The following LRP1B variants were observed in gnomAD, a reference collection of about 807,000 sequenced individuals.
LRP1B encodes the protein LDL receptor related protein 1B.
Under a neutral mutation model 556.6 loss-of-function variants are expected in LRP1B, and 217 were observed. That is an observed-to-expected ratio of 0.39 (90% CI 0.35 to 0.44). The LOEUF (loss-of-function observed/expected upper bound fraction) is 0.44, where lower values mean the gene tolerates loss of function less well. Among genes scored for constraint, LRP1B ranks in the 20% least tolerant of loss-of-function variants. The pLI is 1.00. For synonymous variants in LRP1B, 2,047 were observed against 1,865.8 expected (o/e 1.10, Z -2.50); for missense variants, 5,053 against 5,620.8 (o/e 0.90, Z 3.23).
At chr2:141,069,900 C>A (rs574592504) in intron 7 of LRP1B, among the ~76,000 whole-genome samples, 1 of 151,558 alleles carries the variant, frequency 6.6e-6, no homozygotes, top group African/African-American at 2.4e-5. Context: ...TGTGCTGTAC[C>A]CATTAACTTG....
At chr2:141,405,369 C>A (rs1467673254) in intron 3 of LRP1B, among the ~76,000 whole-genome samples, 3 of 152,054 alleles carry the variant, frequency 2.0e-5, no homozygotes, top group African/African-American at 7.2e-5. Flanking sequence ...ATTAAGGAAG[C>A]TCCACAGTGT....
intron 3 of LRP1B, among the ~76,000 whole-genome samples, chr2:141,320,172 C>A (rs1437587711): frequency 9.9e-5 from 15 of 151,914 alleles, no homozygotes. Context: ...CTTTATTATC[C>A]AAAGAAGTAT....
At chr2:142,047,258 G>C (rs1014157000) in intron 1 of LRP1B, among the ~76,000 whole-genome samples, 2 of 151,924 alleles carry the variant, frequency 1.3e-5, no homozygotes, top group South Asian at 2.1e-4. Context: ...GTACATGGAG[G>C]CTTGACATTT....
At chr2:141,592,398 A>T (rs1209450955) in intron 2 of LRP1B, among the ~76,000 whole-genome samples, 1 of 152,168 alleles carries the variant, frequency 6.6e-6, no homozygotes, top group Non-Finnish European at 1.5e-5. Flanking sequence ...GTGTGTCTTC[A>T]CATGGTATAA....
intron 72 of LRP1B, 75 bp downstream of exon 72, chr2:140,364,586 C>T (rs2105150876): frequency 3.2e-6 from 5 of 1,545,704 alleles, no homozygotes; most frequent in Non-Finnish European, 4.4e-6. Context: ...GTTCACCTCC[C>T]CACTTCATTG....
At chr2:141,769,676 A>T (rs1694836672) in intron 2 of LRP1B, among the ~76,000 whole-genome samples, 1 of 152,198 alleles carries the variant, frequency 6.6e-6, no homozygotes, top group Non-Finnish European at 1.5e-5. Context: ...TTCTACACCG[A>T]ATCTTAGAAA....
At chr2:141,184,180 A>C (rs1681133254) in intron 7 of LRP1B, among the ~76,000 whole-genome samples, 2 of 152,054 alleles carry the variant, frequency 1.3e-5, no homozygotes, top group African/African-American at 4.8e-5. Context: ...TTTATTCTTT[A>C]CTCTTGTCTT....
At position 140,893,157 on chromosome 2, in the gene LRP1B, C is replaced by T. The variant is rs1693850182; in HGVS notation, c.3767-6822G>A. On this transcript the variant is annotated intron_variant, in intron 23 of 90. Coordinates refer to ENST00000389484, the MANE Select transcript of LRP1B (RefSeq NM_018557.3). ...ATCAACTCAACACTTCCTGCCTGAC[C>T]TTCAAAAGATAAAGAGAGGAAGAGA... is the stretch of plus-strand genomic sequence containing the variant. 2.0e-5 allele frequency among the ~76,000 whole-genome samples: 3 copies of T among 152,164 alleles called. No individual in the cohort carries two copies. In the South Asian group the frequency reaches 6.2e-4, roughly 32 times the overall value.
chr2:141,586,426 T>G (rs529243620), intron 2 of LRP1B, among the ~76,000 whole-genome samples: 1 of 152,222 alleles, frequency 6.6e-6, no homozygotes, highest in African/African-American at 2.4e-5. Context: ...CTCTATTAGA[T>G]TAGAGATAGC....
chr2:140,797,270 A>G (rs1690349792), intron 32 of LRP1B, among the ~76,000 whole-genome samples: 1 of 152,092 alleles, frequency 6.6e-6, no homozygotes, highest in Admixed American at 6.6e-5. Context: ...AAAGAAGGTA[A>G]GTTACCAATT....
chr2:140,514,112 G>A (rs543684449), intron 51 of LRP1B, among the ~76,000 whole-genome samples: 4 of 152,022 alleles, frequency 2.6e-5, no homozygotes, highest in Non-Finnish European at 4.4e-5. Context: ...GTATAGATAC[G>A]TGACACTAAT....
intron 17 of LRP1B, among the ~76,000 whole-genome samples, chr2:140,986,834 A>G (rs755445272): frequency 6.6e-6 from 1 of 152,194 alleles, no homozygotes; most frequent in Non-Finnish European, 1.5e-5. Context: ...CAAATTCACG[A>G]AGTAGAAATT....
intron 1 of LRP1B, among the ~76,000 whole-genome samples, chr2:141,973,892 A>G (rs1321168948): frequency 2.6e-5 from 4 of 151,984 alleles, no homozygotes; most frequent in African/African-American, 7.2e-5. Flanking sequence ...AACTATTTAC[A>G]TACCAGTGTT....
chr2:140,913,143 A>G (rs930337266), intron 21 of LRP1B, among the ~76,000 whole-genome samples: 1 of 151,884 alleles, frequency 6.6e-6, no homozygotes, highest in African/African-American at 2.4e-5. Context: ...TGTTTATACT[A>G]CTAACCTTTA....
At chr2:141,650,783 A>G (rs1689756589) in intron 2 of LRP1B, among the ~76,000 whole-genome samples, 1 of 150,284 alleles carries the variant, frequency 6.7e-6, no homozygotes, top group Non-Finnish European at 1.5e-5. Context: ...CAGGCTATAG[A>G]ATATAACCCT....
At chr2:140,817,350 G>GA (rs1302265135) in intron 31 of LRP1B, among the ~76,000 whole-genome samples, 1 of 151,576 alleles carries the variant, frequency 6.6e-6, no homozygotes, top group African/African-American at 2.4e-5. Flanking sequence ...TTTAAATTAA[G>GA]AAAAAAATAT....
At chr2:141,564,139 G>C (rs7602707) in intron 2 of LRP1B, among the ~76,000 whole-genome samples, 1 of 151,952 alleles carries the variant, frequency 6.6e-6, no homozygotes, top group Non-Finnish European at 1.5e-5. Context: ...TTTTGTTTGA[G>C]AAATGAAGGA....
intron 18 of LRP1B, among the ~76,000 whole-genome samples, chr2:140,966,827 A>G (rs1020453428): frequency 2.0e-5 from 3 of 152,068 alleles, no homozygotes; most frequent in African/African-American, 4.8e-5. Flanking sequence ...TGTTTTTGTC[A>G]GGTCTGTCAA....
intron 2 of LRP1B, among the ~76,000 whole-genome samples, chr2:141,742,545 C>CGCCTG (rs1486510098): frequency 3.3e-5 from 5 of 152,016 alleles, no homozygotes; most frequent in African/African-American, 1.2e-4. Flanking sequence ...TGAGCCACCA[C>CGCCTG]GCCTGGCCTC....
Sources: gnomAD v4.1 joint callset for allele counts (sites outside exome capture counted in the v4.1 genomes callset) on GRCh38, gnomAD v4.1.1 for gene constraint, MANE v1.5 for transcripts, NCBI Gene and HGNC (gene_info 2026-07-23, HGNC 2026-07-21) for gene names.